PDE2A: variants seen among roughly 807,000 people sequenced by gnomAD.
The protein encoded by PDE2A is cGMP-dependent 3',5'-cyclic phosphodiesterase.
PDE2A carries 53 observed loss-of-function variants against 133.6 expected under a neutral mutation model. The ratio of observed to expected loss-of-function variants is 0.40; its 90% CI spans 0.32 to 0.50. The LOEUF is 0.50. Ranked by LOEUF, PDE2A falls within the 20% of genes least tolerant of loss-of-function variation. The probability of loss-of-function intolerance (pLI) is 0.73; values close to 1 mark genes in which losing one functional copy is unlikely to be tolerated. For synonymous variants in PDE2A, 491 were observed against 490.2 expected (o/e 1.00, Z -0.02); for missense variants, 796 against 1,232.4 (o/e 0.65, Z 5.30).
chr11:72,579,507 T>TGC, intron 26 of PDE2A, 27 bp downstream of exon 26: 176 of 1,353,902 alleles, frequency 1.3e-4, no homozygotes, highest in Middle Eastern at 1.9e-4. Context: ...TCCCCCTCAA[T>TGC]CCCCACCCCA....
At chr11:72,596,540 C>T in intron 6 of PDE2A, 53 bp downstream of exon 6, 2 of 1,077,808 alleles carry the variant, frequency 1.9e-6, no homozygotes, top group Non-Finnish European at 2.6e-6. Context: ...CCATCCACCA[C>T]TCCCTCCCAT....
Position 72,578,219 on chromosome 11 carries a change from A to C in PDE2A, c.2615+14T>G. The C allele has an allele frequency of 1.3e-6, 2 of 1,517,966 alleles. No individual in the cohort carries two copies. Among genetic ancestry groups the C allele is most frequent in the Non-Finnish European group, 1.8e-6 (2 of 1,091,684 alleles). The allele number at this position is 1,517,966 out of a possible 1,614,324, so 94.0% of individuals were successfully genotyped here. ...TCTGTGCAGGGTGCAGCTTGTCCCC[A>C]TGAGCTCACTCACTTGTAGATGGGC... On this transcript the variant is annotated intron_variant, in intron 30 of 30. Coordinates refer to ENST00000334456, the MANE Select transcript of PDE2A (RefSeq NM_002599.5). This position sits in a 1 kb window ranked among gnomAD's most constrained non-coding sequence, Gnocchi z 4.2.
chr11:72,666,769 A>G (rs1451227014), intron 1 of PDE2A, among the ~76,000 whole-genome samples: 1 of 152,208 alleles, frequency 6.6e-6, no homozygotes, highest in Non-Finnish European at 1.5e-5. Context: ...CACACAAGCC[A>G]CAGTCACATG....
intron 2 of PDE2A, among the ~76,000 whole-genome samples, chr11:72,618,905 G>T (rs1365734469): frequency 1.3e-5 from 2 of 152,214 alleles, no homozygotes; most frequent in Non-Finnish European, 2.9e-5. Flanking sequence ...CAGCCCGCCA[G>T]GCAGGCAGGC....
intron 2 of PDE2A, among the ~76,000 whole-genome samples, chr11:72,615,337 G>C (rs1857413739): frequency 6.6e-6 from 1 of 152,246 alleles, no homozygotes; most frequent in Non-Finnish European, 1.5e-5. Flanking sequence ...TCAGGAGCTA[G>C]GTTTGGGGGT....
At chr11:72,655,004 T>C (rs182463551) in intron 1 of PDE2A, among the ~76,000 whole-genome samples, 229 of 152,178 alleles carry the variant, frequency 1.5e-3, no homozygotes, top group Non-Finnish European at 2.1e-3. Context: ...GGGAGTTTGA[T>C]TCTCAGCCTC....
At chr11:72,600,344 C>T (rs900472025) in intron 4 of PDE2A, among the ~76,000 whole-genome samples, 1 of 152,136 alleles carries the variant, frequency 6.6e-6, no homozygotes, top group African/African-American at 2.4e-5. Context: ...CTGGGATAGA[C>T]CAATCTTGAT....
At chr11:72,579,507 TCCCC>T in intron 26 of PDE2A, 23 bp downstream of exon 26, 58 of 1,354,056 alleles carry the variant, frequency 4.3e-5, no homozygotes, top group Middle Eastern at 1.9e-4. Context: ...TCCCCCTCAA[TCCCC>T]ACCCCACCCC....
intron 4 of PDE2A, among the ~76,000 whole-genome samples, chr11:72,603,466 T>C (rs1157876461): frequency 6.6e-6 from 1 of 151,908 alleles, no homozygotes; most frequent in African/African-American, 2.4e-5. Flanking sequence ...TCCTAGGGAG[T>C]GAAGCAAACC....
intron 2 of PDE2A, among the ~76,000 whole-genome samples, chr11:72,619,561 G>A (rs930058923): frequency 2.0e-5 from 3 of 152,204 alleles, no homozygotes; most frequent in Non-Finnish European, 4.4e-5. Context: ...CTGGCCATCT[G>A]CACGTGGGAG....
intron 7 of PDE2A, 134 bp downstream of exon 7, chr11:72,591,163 C>T (rs186159327): frequency 6.9e-6 from 5 of 720,154 alleles, no homozygotes; most frequent in East Asian, 5.0e-5. Context: ...GTGACTTGCT[C>T]AAGGTCACAC....
At chr11:72,601,890 G>A (rs1856764623) in intron 4 of PDE2A, among the ~76,000 whole-genome samples, 1 of 152,162 alleles carries the variant, frequency 6.6e-6, no homozygotes, top group South Asian at 2.1e-4. Context: ...TTTTACAGAA[G>A]GGCATATGGA....
intron 25 of PDE2A, among the ~76,000 whole-genome samples, chr11:72,580,284 T>C (rs1303775856): frequency 6.6e-6 from 1 of 151,974 alleles, no homozygotes; most frequent in African/African-American, 2.4e-5. Context: ...CAATCTAAGG[T>C]GACGCTAAGT....
rs575912734 is a variant in PDE2A at position 72,635,305 on chromosome 11, G to A, written c.144+6949C>T. Among the ~76,000 whole-genome samples, 19 of 152,280 alleles carry A rather than the reference G, an allele frequency of 1.2e-4. No homozygotes were observed. The South Asian group carries it at 1.9e-3, about 15-fold the overall frequency. On this transcript the variant is annotated intron_variant, in intron 2 of 30. Coordinates refer to ENST00000334456, the MANE Select transcript of PDE2A (RefSeq NM_002599.5). ...CTCCCTCACTGGGAGTGGAGGGAGC[G>A]CCCACCATTCTGAGCTATCTGTCTC...
At chr11:72,641,933 A>T (rs186225182) in intron 2 of PDE2A, among the ~76,000 whole-genome samples, 255 of 152,306 alleles carry the variant, frequency 1.7e-3, no homozygotes, top group African/African-American at 5.9e-3. Flanking sequence ...AGGCGTGGGC[A>T]GGGTCCCCAC....
At chr11:72,585,261 T>G in intron 16 of PDE2A, 110 bp downstream of exon 16, 1 of 897,528 alleles carries the variant, frequency 1.1e-6, no homozygotes, top group Non-Finnish European at 1.8e-6. Context: ...CAAAAGGTGA[T>G]GAAGTCCCGC....
chr11:72,598,788 C>A (rs1856601189), intron 4 of PDE2A: 1 of 985,322 alleles, frequency 1.0e-6, no homozygotes, highest in South Asian at 4.7e-5. Flanking sequence ...ACGCAGCATT[C>A]TGAACCAAAC....
intron 2 of PDE2A, among the ~76,000 whole-genome samples, chr11:72,631,949 C>A (rs538927790): frequency 1.3e-5 from 2 of 152,282 alleles, no homozygotes; most frequent in Non-Finnish European, 2.9e-5. Context: ...GCTTCGTTCC[C>A]GTCAGCTGCT....
At chr11:72,652,541 C>T in intron 1 of PDE2A, 1 of 456,226 alleles carries the variant, frequency 2.2e-6, no homozygotes, top group Non-Finnish European at 4.4e-6. Flanking sequence ...CTGAAGAACC[C>T]TCCTTCTCCT....
Sources: allele counts gnomAD v4.1 joint callset (sites outside exome capture counted in the v4.1 genomes callset), GRCh38; gene constraint gnomAD v4.1.1; non-coding constraint Gnocchi (gnomAD v3.1); transcripts MANE v1.5; gene names NCBI Gene and HGNC (gene_info 2026-07-23, HGNC 2026-07-21).